TP73: variants seen among roughly 807,000 people sequenced by gnomAD.
The protein encoded by TP73 is tumor protein p73.
Under a neutral mutation model 62.5 loss-of-function variants are expected in TP73, and 25 were observed. The ratio of observed to expected loss-of-function variants is 0.40; its 90% confidence interval spans 0.29 to 0.56. The LOEUF is 0.56. Ranked by LOEUF, TP73 falls within the 20% of genes least tolerant of loss-of-function variation. The pLI is 0.46. For missense variants in TP73, 754 were observed against 913.3 expected, an observed-to-expected ratio of 0.83 and a Z score of 2.25; for synonymous variants, 423 against 377.5, an observed-to-expected ratio of 1.12 and a Z score of -1.40.
Position 3,731,957 on chromosome 1 carries a change from A to G in TP73, c.1578+401A>G, listed in dbSNP as rs776962255. ...ACAGACAGGAAAGGGGACCTAGGGA[A>G]GGCAAGCACCTGGCCCGAGGCCACA... On this transcript the variant is annotated intron_variant, in intron 13 of 13. Coordinates refer to ENST00000378295, the MANE Select transcript of TP73 (RefSeq NM_005427.4). Among the ~76,000 whole-genome samples the G allele has an allele frequency of 2.4e-4, 37 of 152,364 alleles. No homozygotes were observed. In the Middle Eastern group the frequency reaches 0.01, roughly 42 times the overall value.
At chr1:3,730,489 G>C (rs74046868) in intron 11 of TP73, among the ~76,000 whole-genome samples, 2,225 of 152,300 alleles carry the variant, frequency 0.015, 61 homozygotes, top group African/African-American at 0.051. Context: ...CTCCTTGTGA[G>C]GAATAAATGG....
intron 3 of TP73, among the ~76,000 whole-genome samples, chr1:3,706,329 G>T (rs56143470): frequency 0.24 from 32,771 of 137,504 alleles, 4,899 homozygotes; most frequent in Middle Eastern, 0.29. Flanking sequence ...CCGCAGGCCT[G>T]GGGAGAGGGG....
intron 4 of TP73, among the ~76,000 whole-genome samples, chr1:3,719,473 A>G (rs771942745): frequency 2.6e-5 from 4 of 152,192 alleles, no homozygotes; most frequent in African/African-American, 9.7e-5. Flanking sequence ...TCTGTCCCCA[A>G]CCAGCACAGA....
rs1642326759 is a variant in TP73, at chr1:3,734,017, G to A, written c.*938G>A. On this transcript the variant is annotated 3_prime_UTR_variant, in exon 14 of 14. Coordinates refer to ENST00000378295, the MANE Select transcript of TP73 (RefSeq NM_005427.4). The surrounding 1 kb of genome is among the most constrained non-coding windows in gnomAD (Gnocchi z 4.4). ...CTGAGGAAGCTGAGTGAGAAGCCAG[G>A]TGGGCGGGACTTGTTCCCAGGAAGG... 2 of 151,848 alleles carry A rather than the reference G, an allele frequency of 1.3e-5. No homozygotes were observed. The highest frequency in any genetic ancestry group is 1.3e-4 in the Admixed American group (2 of 15,236). The allele number at this position is 151,848 out of a possible 1,614,324, so 9.4% of individuals were successfully genotyped here.
chr1:3,696,760 C>A lies in TP73; in HGVS notation c.187-10789C>A, dbSNP rs1638696874. ...TCTCCAGGCCTTGTGTCATGAAAGA[C>A]CCCGAGCAGCGGTGGGGCTCAAGCC... On this transcript the variant is annotated intron_variant, in intron 3 of 13. Coordinates refer to ENST00000378295, the MANE Select transcript of TP73 (RefSeq NM_005427.4). The surrounding 1 kb of genome is among the most constrained non-coding windows in gnomAD (Gnocchi z 4.1). Among the ~76,000 whole-genome samples the A allele has an allele frequency of 1.3e-5, 2 of 152,112 alleles. No individual in the cohort carries two copies. Among genetic ancestry groups the A allele is most frequent in the African/African-American group, 4.8e-5 (2 of 41,410 alleles).
intron 6 of TP73, 147 bp downstream of exon 6, chr1:3,723,616 T>A (rs907394821): frequency 1.5e-6 from 1 of 666,332 alleles, no homozygotes; most frequent in Non-Finnish European, 2.7e-6. Context: ...CCCTGCTCTG[T>A]GATAAGTCTG....
At chr1:3,728,329 G>A in intron 9 of TP73, 112 bp downstream of exon 9, 2 of 1,123,852 alleles carry the variant, frequency 1.8e-6, no homozygotes, top group South Asian at 2.9e-5. Context: ...GAGGGGGCGG[G>A]AGGAGCCCAG....
chr1:3,707,463 G>A (rs1384094586), intron 3 of TP73, 86 bp from the exon 4 acceptor site: 2 of 1,526,950 alleles, frequency 1.3e-6, no homozygotes, highest in East Asian at 2.3e-5. Flanking sequence ...GGCCCTTTAA[G>A]GCTCCTGTAA....
In TP73 at chr1:3,683,144, C is replaced by T. The variant is rs755616910; in HGVS notation, c.150C>T (p.Asp50=). The T allele has an allele frequency of 5.6e-6, 9 of 1,612,288 alleles. No homozygotes were observed. The highest frequency in any genetic ancestry group is 2.7e-5 in the African/African-American group (2 of 74,878). The change falls in exon 3 of 14, where the codon GAC becomes GAT. Residue 50 remains aspartate (D), a synonymous_variant. Transcript: ENST00000378295. ...TGGGCGGAACGGATTCCAGCATGGACGTCTTCCACCTGGAGGGCATGACTA... is the reference window on the plus strand; with the variant it reads ...TGGGCGGAACGGATTCCAGCATGGATGTCTTCCACCTGGAGGGCATGACTA... The part of the protein sequence containing the change: ...EVVGGTDSSM[D]VFHLEGMTTS...
At chr1:3,661,074 T>C (rs1467997163) in intron 1 of TP73, among the ~76,000 whole-genome samples, 1 of 152,248 alleles carries the variant, frequency 6.6e-6, no homozygotes, top group Non-Finnish European at 1.5e-5. Flanking sequence ...CATGCAAATT[T>C]AGTTGATCAA....
chr1:3,684,527 G>C (rs1444071517), intron 3 of TP73, among the ~76,000 whole-genome samples: 1 of 152,212 alleles, frequency 6.6e-6, no homozygotes, highest in African/African-American at 2.4e-5. Context: ...GCACTGGAGG[G>C]AGTGGGGGCT....
Position 3,670,926 on chromosome 1 carries a change from C to A in TP73, c.-33-11407C>A, listed in dbSNP as rs905219121. Among the ~76,000 whole-genome samples the A allele has an allele frequency of 1.3e-5, 2 of 152,186 alleles. No individual in the cohort carries two copies. The highest frequency in any genetic ancestry group is 1.5e-5 in the Non-Finnish European group (1 of 68,034). On this transcript the variant is annotated intron_variant, in intron 1 of 13. Transcript: ENST00000378295. The surrounding 1 kb of genome is among the most constrained non-coding windows in gnomAD (Gnocchi z 5.9). ...GCAGTCAGGGCTTGGTGGTCTGGCC[C>A]GCAAAGAGTCAGCATGTGAATGTCT...
In TP73 at chr1:3,663,140, G is replaced by A. The variant is rs191320698; in HGVS notation, c.-34+10499G>A. Among the ~76,000 whole-genome samples the A allele has an allele frequency of 5.1e-4, 78 of 152,218 alleles. 1 individual carries two copies. In the East Asian group the frequency reaches 0.014, roughly 28 times the overall value. On this transcript the variant is annotated intron_variant, in intron 1 of 13. Coordinates refer to ENST00000378295, the MANE Select transcript of TP73 (RefSeq NM_005427.4). This position sits in a 1 kb window ranked among gnomAD's most constrained non-coding sequence, Gnocchi z 4.7. Reference sequence around the variant, plus strand: ...ATGCCACCAAGATCAGCTGCAGGCCGGGCCACCCATGCCTGAGGGGAGAAG... The same window carrying A: ...ATGCCACCAAGATCAGCTGCAGGCCAGGCCACCCATGCCTGAGGGGAGAAG...
intron 3 of TP73, among the ~76,000 whole-genome samples, chr1:3,686,270 C>T (rs575841945): frequency 1.4e-3 from 215 of 152,360 alleles, no homozygotes; most frequent in Non-Finnish European, 2.2e-3. Context: ...CCCCGAACCA[C>T]GAGCAGGCAG....
chr1:3,706,535 T>A (rs577697383), intron 3 of TP73, among the ~76,000 whole-genome samples: 1 of 151,654 alleles, frequency 6.6e-6, no homozygotes, highest in Non-Finnish European at 1.5e-5. Context: ...AGGCATTTGT[T>A]TGCGTTGAGC....
chr1:3,677,545 C>T (rs1390056352), intron 1 of TP73, among the ~76,000 whole-genome samples: 1 of 152,132 alleles, frequency 6.6e-6, no homozygotes, highest in Non-Finnish European at 1.5e-5. Flanking sequence ...GGTGCCAGGG[C>T]TGGGGGGGTG....
At chr1:3,721,727 T>G (rs1378466288) in intron 4 of TP73, among the ~76,000 whole-genome samples, 3 of 152,102 alleles carry the variant, frequency 2.0e-5, no homozygotes, top group African/African-American at 7.2e-5. Context: ...CTTGTCCCCA[T>G]CCATAAACCT....
intron 4 of TP73, chr1:3,708,481 C>T (rs1639861049): frequency 6.5e-6 from 1 of 153,034 alleles, no homozygotes; most frequent in Admixed American, 6.5e-5. Flanking sequence ...CACCCACCAA[C>T]AACGCACAGG....
intron 1 of TP73, among the ~76,000 whole-genome samples, chr1:3,675,648 G>T (rs973169364): frequency 6.6e-6 from 1 of 152,148 alleles, no homozygotes; most frequent in African/African-American, 2.4e-5. Context: ...GCTCCACCGA[G>T]GGGTGGGTAG....
Sources: allele counts gnomAD v4.1 joint callset (sites outside exome capture counted in the v4.1 genomes callset), GRCh38; gene constraint gnomAD v4.1.1; non-coding constraint Gnocchi (gnomAD v3.1); transcripts MANE v1.5; gene names NCBI Gene and HGNC (gene_info 2026-07-23, HGNC 2026-07-21).